Variants in TAF1 observed in about 807,000 individuals in gnomAD.
TAF1 encodes the protein TATA-box binding protein associated factor 1.
A neutral mutation model predicts 138.5 loss-of-function variants in TAF1; 2 were observed. That is an observed-to-expected ratio of 0.01 (90% CI 0.01 to 0.05). The LOEUF is 0.05. Ranked by LOEUF, TAF1 falls within the 10% of genes least tolerant of loss-of-function variation. The pLI is 1.00. For synonymous variants in TAF1, 437 were observed against 503.2 expected (o/e 0.87, Z 1.76); for missense variants, 709 against 1,478.0 (o/e 0.48, Z 8.53).
chrX:71,523,037 C>G (rs769939751), intron 13 of TAF1, among the ~76,000 whole-genome samples: 1 of 109,071 alleles, frequency 9.2e-6, no homozygotes, highest in South Asian at 4.0e-4. Context: ...CAAAAATTAG[C>G]TGCGCATGGT....
intron 13 of TAF1, among the ~76,000 whole-genome samples, chrX:71,474,393 A>G (rs141551999): frequency 1.5e-3 from 164 of 111,821 alleles, no homozygotes; most frequent in Non-Finnish European, 2.5e-3. Context: ...TTATAAGACT[A>G]TAAGGTGAGA....
intron 13 of TAF1, among the ~76,000 whole-genome samples, chrX:71,478,417 G>A (rs753446202): frequency 2.4e-4 from 27 of 110,225 alleles, no homozygotes; most frequent in African/African-American, 6.6e-4. Flanking sequence ...AATGCTTTGG[G>A]GGCCGAGGTA....
rs1242446057 is a variant in TAF1, at chrX:71,458,296, T to C, written c.4994T>C (p.Val1665Ala). The change falls in exon 35 of 38, where the codon GTA (valine) becomes GCA (alanine). Residue 1665 changes from valine (V) to alanine (A), a missense_variant. Around this residue, in one of 14 missense-constraint regions of TAF1, gnomAD observed 123 missense variants for 174.7 expected, o/e 0.70. Transcript: ENST00000423759. ...TSLSMSRDASVFQDESNMSVL... is the reference protein window; with the variant it reads ...TSLSMSRDASAFQDESNMSVL... ...CTCAGTATGTCTCGAGATGCCTCTG[T>C]ATTTCAAGATGAGAGCAATATGTCT... 3 of 1,210,418 alleles carry C rather than the reference T, an allele frequency of 2.5e-6. No individual in the cohort carries two copies. In the African/African-American group the frequency reaches 5.2e-5, roughly 21 times the overall value.
At chrX:71,369,507 A>C (rs1331873218) in intron 3 of TAF1, among the ~76,000 whole-genome samples, 1 of 112,186 alleles carries the variant, frequency 8.9e-6, no homozygotes, top group Non-Finnish European at 1.9e-5. Flanking sequence ...TATCAAAAGT[A>C]ATACAATTAG....
At chrX:71,411,107 A>G (rs956758127) in intron 28 of TAF1, among the ~76,000 whole-genome samples, 2 of 108,537 alleles carry the variant, frequency 1.8e-5, no homozygotes, top group Non-Finnish European at 3.8e-5. Context: ...AAGCAGTCTC[A>G]CTCTGTCACC....
intron 13 of TAF1, among the ~76,000 whole-genome samples, chrX:71,495,940 G>C (rs890636754): frequency 2.9e-4 from 33 of 112,054 alleles, no homozygotes; most frequent in East Asian, 1.4e-3. Context: ...TTGTAAGTTT[G>C]GGATTTTAAT....
rs1369706410 is a variant in TAF1, at chrX:71,452,895, C to A, written c.4754-1275C>A. On this transcript the variant is annotated intron_variant, in intron 32 of 37. Transcript: ENST00000423759. ...CCAACACAGCGAAACCCGGTCTCCA[C>A]CAAAAAAATACGAAAACCAGTCAGG... 5.3e-5 allele frequency among the ~76,000 whole-genome samples: 6 copies of A among 112,245 alleles called. No individual in the cohort carries two copies. The Admixed American group carries it at 5.6e-4, about 11-fold the overall frequency.
intron 1 of TAF1, among the ~76,000 whole-genome samples, chrX:71,366,796 C>T (rs1297161243): frequency 9.0e-6 from 1 of 111,374 alleles, no homozygotes; most frequent in East Asian, 2.8e-4. Flanking sequence ...ACTGAGATGG[C>T]TTCCCACCCG....
intron 34 of TAF1, 93 bp from the exon 35 acceptor site, chrX:71,458,148 A>G: frequency 9.3e-7 from 1 of 1,070,569 alleles, no homozygotes. Context: ...GCTCTGCATG[A>G]TCTTTTTCTC....
chrX:71,481,853 G>A (rs2039079099), intron 13 of TAF1, among the ~76,000 whole-genome samples: 1 of 112,174 alleles, frequency 8.9e-6, no homozygotes, highest in African/African-American at 3.2e-5. Flanking sequence ...CACTGCGCCC[G>A]GCCTATTGAT....
In TAF1 at chrX:71,394,290, A is replaced by G. The variant is rs374522020; in HGVS notation, c.3406+45A>G. Reference sequence around the variant, plus strand: ...AGACAGATAAAAAAGAGAAGGGTTAAAAAAGGAGCCTACGTAACTGCAGAC... The same window carrying G: ...AGACAGATAAAAAAGAGAAGGGTTAGAAAAGGAGCCTACGTAACTGCAGAC... On this transcript the variant is annotated intron_variant, in intron 22 of 37. Transcript: ENST00000423759. 21 of 1,150,692 alleles carry G rather than the reference A, an allele frequency of 1.8e-5. No homozygotes were observed. The highest frequency in any genetic ancestry group is 2.3e-5 in the Non-Finnish European group (20 of 864,366). 94.8% of individuals were successfully genotyped at this position (1,150,692 alleles called of 1,213,427 possible).
intron 28 of TAF1, 27 bp downstream of exon 28, chrX:71,408,178 A>G: frequency 8.3e-7 from 1 of 1,205,832 alleles, no homozygotes; most frequent in Non-Finnish European, 1.1e-6. Context: ...CCGTGATTGC[A>G]AAGGTCACTG....
intron 29 of TAF1, among the ~76,000 whole-genome samples, chrX:71,421,789 TAATC>T (rs992721015): frequency 3.6e-5 from 4 of 112,459 alleles, no homozygotes; most frequent in African/African-American, 9.7e-5. Flanking sequence ...TTTTAAATGA[TAATC>T]TATCTATATT....
chrX:71,421,950 A>T (rs187460967), intron 29 of TAF1, among the ~76,000 whole-genome samples: 93 of 112,244 alleles, frequency 8.3e-4, no homozygotes, highest in Non-Finnish European at 1.6e-3. Context: ...TGCAAATTTA[A>T]ACCACGATGT....
chrX:71,425,840 A>G (rs1007839524), intron 32 of TAF1, among the ~76,000 whole-genome samples: 1 of 111,784 alleles, frequency 8.9e-6, no homozygotes, highest in Non-Finnish European at 1.9e-5. Flanking sequence ...GATAGATGTT[A>G]CTAATATCAA....
chrX:71,401,201 A>G (rs2035158117), intron 24 of TAF1, among the ~76,000 whole-genome samples: 1 of 111,443 alleles, frequency 9.0e-6, no homozygotes, highest in Non-Finnish European at 1.9e-5. Context: ...CTTCTGGTTG[A>G]TCAGTGCATA....
At chrX:71,469,221 G>GT (rs1436887622), downstream of TAF1, among the ~76,000 whole-genome samples, 1 of 111,546 alleles carries the variant, frequency 9.0e-6, no homozygotes, top group Non-Finnish European at 1.9e-5. Flanking sequence ...GAGCCCAGGA[G>GT]TTTAAGGCTG....
chrX:71,519,247 G>A (rs949538651), intron 13 of TAF1, among the ~76,000 whole-genome samples: 1 of 104,881 alleles, frequency 9.5e-6, no homozygotes, highest in Non-Finnish European at 2.0e-5. Context: ...GCGTGAATCC[G>A]GGAGGCGGAG....
At chrX:71,515,491 C>T (rs1057282644) in intron 13 of TAF1, among the ~76,000 whole-genome samples, 2 of 111,741 alleles carry the variant, frequency 1.8e-5, no homozygotes, top group Non-Finnish European at 3.8e-5. Context: ...TTCTCTCTAC[C>T]AAATCCTTCA....
Sources: gnomAD v4.1 joint callset for allele counts (sites outside exome capture counted in the v4.1 genomes callset) on GRCh38, gnomAD v4.1.1 for gene constraint, gnomAD v4.1.1 regional missense constraint, MANE v1.5 for transcripts, NCBI Gene and HGNC (gene_info 2026-07-23, HGNC 2026-07-21) for gene names.